CDKL2: variants seen among roughly 807,000 people sequenced by gnomAD.
CDKL2 encodes the protein cyclin-dependent kinase-like 2.
In CDKL2, 64 loss-of-function variants were observed where a neutral mutation model predicts 63.9. The ratio of observed to expected loss-of-function variants is 1.00; its 90% CI spans 0.82 to 1.23. CDKL2 has a LOEUF of 1.23. CDKL2 is among the 50% of genes most tolerant of loss of function. The pLI is 0.00. For synonymous variants in CDKL2, 211 were observed against 229.2 expected (o/e 0.92, Z 0.72); for missense variants, 656 against 668.0 (o/e 0.98, Z 0.20).
rs1271192452 is a variant in CDKL2, at chr4:75,605,603, CCAGA to C, written c.570_573del (p.Cys190TrpfsTer2). 1.2e-6 allele frequency: 2 copies of C among 1,613,548 alleles called. No homozygotes were observed. Among genetic ancestry groups the C allele is most frequent in the East Asian group, 4.5e-5 (2 of 44,882 alleles). On this transcript the variant is annotated frameshift_variant, in exon 5 of 14. Coordinates refer to ENST00000307465, the MANE Select transcript of CDKL2 (RefSeq NM_001330724.2). LOFTEE classifies it high-confidence loss of function. ...GGTTCCCCCATGAACATTTCAGTTA[CCAGA>C]CAACCAATGGCCCACACATCAACAG...
rs1370954947 is a variant in CDKL2, at chr4:75,603,803, A to G, written c.795+14T>C. Reference sequence around the variant, plus strand: ...AATTCCCTGTCATAAAGTGTAAACAATAAGTATGATTACCTTTGCTAAATC... The same window carrying G: ...AATTCCCTGTCATAAAGTGTAAACAGTAAGTATGATTACCTTTGCTAAATC... On this transcript the variant is annotated intron_variant, in intron 6 of 13. Transcript: ENST00000307465. 8 of 1,585,902 alleles carry G rather than the reference A, an allele frequency of 5.0e-6. No individual in the cohort carries two copies. The highest frequency in any genetic ancestry group is 2.7e-5 in the African/African-American group (2 of 73,148).
chr4:75,622,016 T>C (rs1487387811), intron 2 of CDKL2, among the ~76,000 whole-genome samples: 4 of 151,948 alleles, frequency 2.6e-5, no homozygotes, highest in Non-Finnish European at 4.4e-5. Context: ...AAGGAGGGGG[T>C]AACTGAAGTT....
In CDKL2 at chr4:75,592,966, G is replaced by A. The variant is rs181803791; in HGVS notation, c.1417-697C>T. ...GACACTTTTCCAATATTTTTCATTC[G>A]AGAATCACAGAAAGCCTGTATTCAT... On this transcript the variant is annotated intron_variant, in intron 10 of 13. Transcript: ENST00000307465. Among the ~76,000 whole-genome samples the A allele has an allele frequency of 1.2e-4, 19 of 152,162 alleles. 1 individual carries two copies. The South Asian group carries it at 1.5e-3, about 12-fold the overall frequency.
intron 9 of CDKL2, 23 bp downstream of exon 9, chr4:75,596,912 G>A (rs924954819): frequency 1.9e-6 from 3 of 1,569,426 alleles, no homozygotes; most frequent in African/African-American, 2.7e-5. Flanking sequence ...ACACTTTTTT[G>A]ATCTTATTTT....
intron 3 of CDKL2, among the ~76,000 whole-genome samples, chr4:75,607,943 G>C (rs534138986): frequency 9.2e-4 from 139 of 151,890 alleles, no homozygotes; most frequent in African/African-American, 3.2e-3. Context: ...CTCCCGAGTA[G>C]GTGGGACTAC....
At chr4:75,608,996 G>GAAAAAA (rs5859470) in intron 3 of CDKL2, among the ~76,000 whole-genome samples, 4 of 120,854 alleles carry the variant, frequency 3.3e-5, no homozygotes, top group Admixed American at 8.0e-5. Flanking sequence ...TCCATCTCAA[G>GAAAAAA]AAAAAAAAAA....
chr4:75,619,911 G>A (rs1041780312), intron 2 of CDKL2, among the ~76,000 whole-genome samples: 1 of 152,140 alleles, frequency 6.6e-6, no homozygotes, highest in Non-Finnish European at 1.5e-5. Context: ...CAGGACAGGC[G>A]TGGTGGCTCC....
chr4:75,613,180 A>G (rs1382798344), intron 3 of CDKL2, among the ~76,000 whole-genome samples: 1 of 151,990 alleles, frequency 6.6e-6, no homozygotes, highest in Admixed American at 6.6e-5. Flanking sequence ...GGAGGCCACT[A>G]TGGAAGGCCT....
Position 75,597,053 on chromosome 4 carries a change from C to T in CDKL2, c.1204G>A (p.Val402Met), listed in dbSNP as rs142919399. Residue 402 changes from valine (V) to methionine (M), a missense_variant, in exon 9 of 14, where the codon GTG becomes ATG. Coordinates refer to ENST00000307465, the MANE Select transcript of CDKL2 (RefSeq NM_001330724.2). ...ACGCTTGGATTCCTTGTGTGGTCCACGCTGACATTGCTGCAGTCTTTGAGG... is the reference window on the plus strand; with the variant it reads ...ACGCTTGGATTCCTTGTGTGGTCCATGCTGACATTGCTGCAGTCTTTGAGG... ...TSLKDCSNVS[V>M]DHTRNPSVAI... The T allele has an allele frequency of 2.5e-5, 41 of 1,614,156 alleles. No homozygotes were observed. In the East Asian group the frequency reaches 3.1e-4, roughly 12 times the overall value.
intron 5 of CDKL2, among the ~76,000 whole-genome samples, 156 bp downstream of exon 5, chr4:75,605,356 AACACACACAC>A (rs140806852): frequency 2.7e-5 from 4 of 149,368 alleles, no homozygotes; most frequent in Non-Finnish European, 6.0e-5. Flanking sequence ...TCCATCTCAA[AACACACACAC>A]ACACACACAC....
intron 6 of CDKL2, among the ~76,000 whole-genome samples, 198 bp from the exon 7 acceptor site, chr4:75,600,567 C>T (rs1055689691): frequency 6.6e-6 from 1 of 151,980 alleles, no homozygotes; most frequent in Non-Finnish European, 1.5e-5. Context: ...TCAGGTGATC[C>T]TTCCATCTCA....
chr4:75,586,232 T>C (rs1174029636), intron 12 of CDKL2, among the ~76,000 whole-genome samples: 1 of 151,682 alleles, frequency 6.6e-6, no homozygotes, highest in Non-Finnish European at 1.5e-5. Flanking sequence ...CCTTTCTTTT[T>C]TTTTTTTTTT....
At chr4:75,595,741 C>A (rs1443056854) in intron 10 of CDKL2, among the ~76,000 whole-genome samples, 1 of 151,896 alleles carries the variant, frequency 6.6e-6, no homozygotes, top group African/African-American at 2.4e-5. Flanking sequence ...ACCAGCCTGG[C>A]CAAGATGGTG....
At chr4:75,596,712 T>TC (rs1728955517) in intron 9 of CDKL2, among the ~76,000 whole-genome samples, 3 of 152,234 alleles carry the variant, frequency 2.0e-5, no homozygotes, top group African/African-American at 7.2e-5. Flanking sequence ...CTCTTCACCT[T>TC]AAGCAATAAA....
At chr4:75,591,407 G>A (rs1728708894) in intron 12 of CDKL2, among the ~76,000 whole-genome samples, 1 of 152,104 alleles carries the variant, frequency 6.6e-6, no homozygotes, top group South Asian at 2.1e-4. Context: ...GACCAGCCCA[G>A]GCAACATAGC....
At chr4:75,588,310 A>C (rs1402277081) in intron 12 of CDKL2, among the ~76,000 whole-genome samples, 1 of 152,202 alleles carries the variant, frequency 6.6e-6, no homozygotes, top group Admixed American at 6.5e-5. Flanking sequence ...TTCAAGGAAC[A>C]AATAACACCA....
chr4:75,582,725 T>C (rs899131201), intron 12 of CDKL2, among the ~76,000 whole-genome samples: 6 of 152,036 alleles, frequency 3.9e-5, no homozygotes, highest in Admixed American at 3.3e-4. Flanking sequence ...AAGAAAACTA[T>C]GTCTAGATAC....
chr4:75,603,991 T>C (rs1180046683), intron 5 of CDKL2, 35 bp from the exon 6 acceptor site: 22 of 1,571,624 alleles, frequency 1.4e-5, no homozygotes, highest in African/African-American at 4.1e-5. Flanking sequence ...TCTGTTATTA[T>C]ACAACATGAT....
intron 2 of CDKL2, among the ~76,000 whole-genome samples, chr4:75,624,131 CAAAAAAA>C (rs35798736): frequency 1.7e-5 from 2 of 118,432 alleles, no homozygotes; most frequent in South Asian, 2.9e-4. Flanking sequence ...AACTCCATCT[CAAAAAAA>C]AAAAAAAAAG....
Sources: allele counts gnomAD v4.1 joint callset (sites outside exome capture counted in the v4.1 genomes callset), GRCh38; gene constraint gnomAD v4.1.1; transcripts MANE v1.5; gene names NCBI Gene and HGNC (gene_info 2026-07-23, HGNC 2026-07-21).